Variants in FBXL7 observed in about 807,000 individuals in gnomAD.
FBXL7 encodes the protein F-box/LRR-repeat protein 7.
A neutral mutation model predicts 38.3 loss-of-function variants in FBXL7; 12 were observed. That is an observed-to-expected ratio of 0.31 (90% CI 0.20 to 0.51). FBXL7 has a LOEUF of 0.51. FBXL7 is among the 20% of genes least tolerant of loss of function. The pLI is 0.98. For synonymous variants in FBXL7, 297 were observed against 300.9 expected (o/e 0.99, Z 0.13); for missense variants, 567 against 676.4 (o/e 0.84, Z 1.79).
At chr5:15,680,910 A>G (rs1472236043) in intron 2 of FBXL7, among the ~76,000 whole-genome samples, 1 of 152,218 alleles carries the variant, frequency 6.6e-6, no homozygotes. Context: ...AGCAGGATGG[A>G]GACACTACTT....
At chr5:15,650,208 C>T (rs1741661239) in intron 2 of FBXL7, among the ~76,000 whole-genome samples, 1 of 152,204 alleles carries the variant, frequency 6.6e-6, no homozygotes. Flanking sequence ...GGTTTGGTTC[C>T]AGACCACCAC....
At chr5:15,704,072 C>T (rs561999358) in intron 2 of FBXL7, among the ~76,000 whole-genome samples, 41 of 152,260 alleles carry the variant, frequency 2.7e-4, no homozygotes, top group African/African-American at 9.6e-4. Context: ...GCTCATTCTG[C>T]TCCTTCCAGT....
At chr5:15,735,866 A>C (rs1250516468) in intron 2 of FBXL7, among the ~76,000 whole-genome samples, 1 of 152,206 alleles carries the variant, frequency 6.6e-6, no homozygotes, top group Non-Finnish European at 1.5e-5. Context: ...AGTGTGGTGC[A>C]CTGAGTTTGA....
intron 2 of FBXL7, among the ~76,000 whole-genome samples, chr5:15,702,165 G>A (rs1002557535): frequency 1.3e-5 from 2 of 151,642 alleles, no homozygotes; most frequent in African/African-American, 2.4e-5. Context: ...TTGAACCCAG[G>A]AGGCGGAGGT....
intron 2 of FBXL7, among the ~76,000 whole-genome samples, chr5:15,864,518 C>G (rs1739621697): frequency 6.6e-6 from 1 of 152,082 alleles, no homozygotes; most frequent in African/African-American, 2.4e-5. Flanking sequence ...GTAGGTGGTT[C>G]CCTATCACTG....
In FBXL7 at chr5:15,928,059, G is replaced by A. The variant is rs370682213; in HGVS notation, c.297G>A (p.Pro99=). The change falls in exon 3 of 4, where the codon CCG becomes CCA. Residue 99 remains proline (P), a synonymous_variant. Coordinates refer to ENST00000504595, the MANE Select transcript of FBXL7 (RefSeq NM_012304.5). This position sits in a 1 kb window ranked among gnomAD's most constrained non-coding sequence, Gnocchi z 4.0. The stretch of plus-strand genomic sequence containing the variant: ...CGCCCCCGACCCGCCTCACACACCC[G>A]CTCATCCGGCTCGCCTCCAGACCCC... ...HSPPPTRLTH[P]LIRLASRPQK... is the part of the protein sequence containing the mutation. The A allele has an allele frequency of 5.6e-6, 8 of 1,427,506 alleles. No homozygotes were observed. The highest frequency in any genetic ancestry group is 3.3e-5 in the African/African-American group (2 of 60,674). 88.4% of individuals were successfully genotyped at this position (1,427,506 alleles called of 1,614,324 possible).
chr5:15,529,939 T>C (rs1224386258), intron 1 of FBXL7, among the ~76,000 whole-genome samples: 1 of 152,174 alleles, frequency 6.6e-6, no homozygotes, highest in Non-Finnish European at 1.5e-5. Context: ...TCCCCATAAC[T>C]AGGGGTGGCT....
intron 2 of FBXL7, among the ~76,000 whole-genome samples, chr5:15,621,196 G>A (rs1455328412): frequency 6.6e-6 from 1 of 152,186 alleles, no homozygotes; most frequent in Non-Finnish European, 1.5e-5. Flanking sequence ...GCAGTCAGCA[G>A]GGCTTTCTCC....
At chr5:15,623,031 A>G (rs538556012) in intron 2 of FBXL7, among the ~76,000 whole-genome samples, 2 of 152,314 alleles carry the variant, frequency 1.3e-5, no homozygotes, top group African/African-American at 2.4e-5. Flanking sequence ...TACACACCTA[A>G]TAAATTGTCA....
At chr5:15,804,096 T>G (rs1737642686) in intron 2 of FBXL7, among the ~76,000 whole-genome samples, 1 of 152,196 alleles carries the variant, frequency 6.6e-6, no homozygotes, top group African/African-American at 2.4e-5. Flanking sequence ...TCTTACACCT[T>G]AATAGTATTT....
At chr5:15,689,751 A>AT (rs1176715965) in intron 2 of FBXL7, among the ~76,000 whole-genome samples, 1 of 152,216 alleles carries the variant, frequency 6.6e-6, no homozygotes, top group East Asian at 1.9e-4. Context: ...ACAGTCTTTT[A>AT]AAATTTTGCA....
chr5:15,670,125 C>T (rs6879143), intron 2 of FBXL7, among the ~76,000 whole-genome samples: 14,700 of 152,192 alleles, frequency 0.097, 817 homozygotes, highest in South Asian at 0.13. Context: ...GTTACTACAG[C>T]ATTACCTTGG....
chr5:15,525,404 G>T (rs1737224203), intron 1 of FBXL7, among the ~76,000 whole-genome samples: 1 of 152,088 alleles, frequency 6.6e-6, no homozygotes, highest in Non-Finnish European at 1.5e-5. Context: ...TCGTTTTATT[G>T]TGATACCTTA....
At chr5:15,570,803 A>C (rs1024758220) in intron 1 of FBXL7, among the ~76,000 whole-genome samples, 6 of 152,142 alleles carry the variant, frequency 3.9e-5, no homozygotes, top group Non-Finnish European at 5.9e-5. Context: ...CTGTGCTTTA[A>C]TTTTTATGAA....
intron 2 of FBXL7, among the ~76,000 whole-genome samples, chr5:15,852,245 G>A (rs1333420679): frequency 6.6e-6 from 1 of 152,148 alleles, no homozygotes; most frequent in African/African-American, 2.4e-5. Context: ...CTCAACCATT[G>A]GATCTGTCAT....
intron 2 of FBXL7, among the ~76,000 whole-genome samples, chr5:15,746,343 C>A (rs545625686): frequency 1.3e-5 from 2 of 152,240 alleles, no homozygotes; most frequent in East Asian, 3.9e-4. Context: ...GCTGGTGATA[C>A]AAAGTTGGAT....
chr5:15,896,537 G>A (rs1374801194), intron 2 of FBXL7, among the ~76,000 whole-genome samples: 1 of 152,160 alleles, frequency 6.6e-6, no homozygotes, highest in Non-Finnish European at 1.5e-5. Flanking sequence ...ACCAACAGTG[G>A]CATGTGCCAC....
In FBXL7 at chr5:15,710,921, A is replaced by G. The variant is rs570779195; in HGVS notation, c.127+94849A>G. ...AATCTCATCTTCAATTGTAATTCCCACAATTCCCACGTTGTCATGGGAGGA... is the reference window on the plus strand; with the variant it reads ...AATCTCATCTTCAATTGTAATTCCCGCAATTCCCACGTTGTCATGGGAGGA... On this transcript the variant is annotated intron_variant, in intron 2 of 3. Coordinates refer to ENST00000504595, the MANE Select transcript of FBXL7 (RefSeq NM_012304.5). 9.2e-5 allele frequency among the ~76,000 whole-genome samples: 14 copies of G among 152,258 alleles called. No individual in the cohort carries two copies. The South Asian group carries it at 2.5e-3, about 27-fold the overall frequency.
Position 15,710,539 on chromosome 5 carries a change from A to G in FBXL7, c.127+94467A>G, listed in dbSNP as rs527507730. ...TTGCTTACTTTAATTTTTTTCATAC[A>G]GCTATCACCGTATGATGCCGTAATA... On this transcript the variant is annotated intron_variant, in intron 2 of 3. Transcript: ENST00000504595. Among the ~76,000 whole-genome samples, 196 of 152,250 alleles carry G rather than the reference A, an allele frequency of 1.3e-3. 1 individual carries two copies. The highest frequency in any genetic ancestry group is 2.9e-3 in the Admixed American group (44 of 15,300).
Sources: allele counts gnomAD v4.1 joint callset (sites outside exome capture counted in the v4.1 genomes callset), GRCh38; gene constraint gnomAD v4.1.1; non-coding constraint Gnocchi (gnomAD v3.1); transcripts MANE v1.5; gene names NCBI Gene and HGNC (gene_info 2026-07-23, HGNC 2026-07-21).